Variants in NME7 observed in about 807,000 individuals in gnomAD.
NME7 encodes NME/NM23 family member 7.
A neutral mutation model predicts 49.1 loss-of-function variants in NME7; 41 were observed. The ratio of observed to expected loss-of-function variants is 0.83; its 90% CI spans 0.65 to 1.08. The LOEUF is 1.08. Among genes scored for constraint, NME7 ranks in the 50% least tolerant of loss-of-function variants. The pLI, the probability that NME7 is intolerant of heterozygous loss-of-function variation, is 0.00. For missense variants in NME7, 423 were observed against 463.4 expected, an observed-to-expected ratio of 0.91 and a Z score of 0.80; for synonymous variants, 139 against 150.6, an observed-to-expected ratio of 0.92 and a Z score of 0.56.
intron 7 of NME7, among the ~76,000 whole-genome samples, chr1:169,278,516 G>A (rs1649850181): frequency 6.6e-6 from 1 of 151,906 alleles, no homozygotes; most frequent in Non-Finnish European, 1.5e-5. Context: ...CGTAGTTCTC[G>A]AGCTTTGGCT....
intron 1 of NME7, among the ~76,000 whole-genome samples, chr1:169,350,645 G>C (rs1433987055): frequency 6.6e-6 from 1 of 151,170 alleles, no homozygotes. Flanking sequence ...TTCTTTCCTA[G>C]AGAAATAGAA....
chr1:169,133,823 G>C (rs894029129), intron 11 of NME7, among the ~76,000 whole-genome samples: 1 of 152,316 alleles, frequency 6.6e-6, no homozygotes, highest in East Asian at 1.9e-4. Flanking sequence ...TAAGGTGTAT[G>C]TGATATTTAA....
chr1:169,194,983 A>G (rs990950063), intron 10 of NME7, among the ~76,000 whole-genome samples: 2 of 152,226 alleles, frequency 1.3e-5, no homozygotes, highest in East Asian at 3.9e-4. Flanking sequence ...TAGTACTATT[A>G]TCACAGACAG....
intron 11 of NME7, among the ~76,000 whole-genome samples, chr1:169,159,354 C>G (rs909950791): frequency 2.0e-5 from 3 of 152,032 alleles, no homozygotes; most frequent in Admixed American, 2.0e-4. Flanking sequence ...CATACCAGTC[C>G]CACATGCCTA....
At chr1:169,149,958 G>C (rs1658861617) in intron 11 of NME7, among the ~76,000 whole-genome samples, 1 of 152,132 alleles carries the variant, frequency 6.6e-6, no homozygotes, top group South Asian at 2.1e-4. Context: ...CATCTTTCTA[G>C]TTTATGACTT....
chr1:169,355,430 G>C (rs1308222016), intron 1 of NME7, among the ~76,000 whole-genome samples: 1 of 139,748 alleles, frequency 7.2e-6, no homozygotes, highest in African/African-American at 2.7e-5. Flanking sequence ...TTTTAATTTT[G>C]TTTAAAAAAG....
chr1:169,279,549 T>C (rs1649911682), intron 7 of NME7, among the ~76,000 whole-genome samples: 1 of 152,134 alleles, frequency 6.6e-6, no homozygotes, highest in Middle Eastern at 3.2e-3. Context: ...AAAAGCACAG[T>C]ATTTGGGTGG....
chr1:169,332,151 C>T (rs1172030940), intron 1 of NME7, among the ~76,000 whole-genome samples: 1 of 151,842 alleles, frequency 6.6e-6, no homozygotes, highest in African/African-American at 2.4e-5. Context: ...AATAGAGAAC[C>T]CAGAAAAAAT....
intron 3 of NME7, among the ~76,000 whole-genome samples, chr1:169,319,619 G>A (rs1651779216): frequency 6.6e-6 from 1 of 152,122 alleles, no homozygotes; most frequent in Admixed American, 6.5e-5. Flanking sequence ...CTGAGTTCCT[G>A]CTGTGATGGA....
intron 3 of NME7, among the ~76,000 whole-genome samples, chr1:169,318,698 G>A (rs1384070756): frequency 6.6e-6 from 1 of 152,124 alleles, no homozygotes; most frequent in Non-Finnish European, 1.5e-5. Context: ...CAGCTGGGGT[G>A]ATGACATAAA....
At chr1:169,260,697 G>A (rs1334363112) in intron 7 of NME7, among the ~76,000 whole-genome samples, 2 of 133,566 alleles carry the variant, frequency 1.5e-5, no homozygotes, top group Admixed American at 1.5e-4. Context: ...AGGGTTAGGA[G>A]GATACATAGA....
intron 11 of NME7, among the ~76,000 whole-genome samples, chr1:169,166,220 A>T (rs1470781064): frequency 6.6e-6 from 1 of 152,178 alleles, no homozygotes; most frequent in East Asian, 1.9e-4. Flanking sequence ...CCTAGTTGAT[A>T]GGTCCAAGCT....
At chr1:169,189,125 G>A (rs916091096) in intron 10 of NME7, among the ~76,000 whole-genome samples, 5 of 152,034 alleles carry the variant, frequency 3.3e-5, no homozygotes, top group African/African-American at 1.2e-4. Flanking sequence ...TTATTATATT[G>A]CATAAATTTT....
intron 7 of NME7, among the ~76,000 whole-genome samples, chr1:169,270,708 G>T (rs1649463257): frequency 2.3e-5 from 3 of 133,244 alleles, no homozygotes; most frequent in Non-Finnish European, 3.5e-5. Context: ...ACTACGTGCT[G>T]GGAACTGTCT....
chr1:169,210,825 C>T (rs905459305), intron 10 of NME7, among the ~76,000 whole-genome samples: 9 of 152,084 alleles, frequency 5.9e-5, no homozygotes, highest in Non-Finnish European at 1.0e-4. Context: ...AGCTACCCTG[C>T]CCCAGTCGTT....
At chr1:169,167,311 T>G (rs1459320175) in intron 11 of NME7, among the ~76,000 whole-genome samples, 2 of 152,234 alleles carry the variant, frequency 1.3e-5, no homozygotes, top group African/African-American at 4.8e-5. Context: ...AACAAAATAT[T>G]TGGGGAAGGC....
chr1:169,291,771 G>A (rs1320436006), intron 6 of NME7, among the ~76,000 whole-genome samples: 1 of 152,026 alleles, frequency 6.6e-6, no homozygotes, highest in East Asian at 1.9e-4. Flanking sequence ...ATTATGACTC[G>A]CTGAAGGCTC....
At chr1:169,146,223 C>T (rs1245522633) in intron 11 of NME7, among the ~76,000 whole-genome samples, 3 of 152,314 alleles carry the variant, frequency 2.0e-5, no homozygotes, top group Non-Finnish European at 2.9e-5. Context: ...CCATACTACA[C>T]ATTTGTCTCA....
At chr1:169,249,928 T>C (rs1007750391) in intron 7 of NME7, among the ~76,000 whole-genome samples, 1 of 151,928 alleles carries the variant, frequency 6.6e-6, no homozygotes, top group African/African-American at 2.4e-5. Flanking sequence ...TATTGGTCTG[T>C]AGTTTTCTTT....
Sources: gnomAD v4.1 joint callset for allele counts (sites outside exome capture counted in the v4.1 genomes callset) on GRCh38, gnomAD v4.1.1 for gene constraint, MANE v1.5 for transcripts, NCBI Gene and HGNC (gene_info 2026-07-23, HGNC 2026-07-21) for gene names.